Variants in TULP4 observed in about 807,000 individuals in gnomAD.
TULP4 encodes TUB like protein 4.
In TULP4, 16 loss-of-function variants were observed where a neutral mutation model predicts 129.0. That is an observed-to-expected ratio of 0.12 (90% CI 0.08 to 0.19). The LOEUF (loss-of-function observed/expected upper bound fraction) is 0.19, where lower values mean the gene tolerates loss of function less well. TULP4 is among the 10% of genes least tolerant of loss of function. TULP4 has a pLI of 1.00. For synonymous variants in TULP4, 998 were observed against 854.0 expected, an observed-to-expected ratio of 1.17 and a Z score of -2.94; for missense variants, 1,842 against 2,059.1, an observed-to-expected ratio of 0.89 and a Z score of 2.04.
chr6:158,482,533 A>T (rs1779971371), intron 8 of TULP4, among the ~76,000 whole-genome samples: 1 of 152,218 alleles, frequency 6.6e-6, no homozygotes, highest in Admixed American at 6.5e-5. Context: ...GGACAGATTC[A>T]GGAGGAAGGA....
chr6:158,487,354 C>G (rs191651408), intron 8 of TULP4, among the ~76,000 whole-genome samples: 1 of 152,154 alleles, frequency 6.6e-6, no homozygotes, highest in African/African-American at 2.4e-5. Flanking sequence ...GCAGGAGAAT[C>G]GCTTGAATCC....
chr6:158,463,649 AATATAT>A (rs60561997), intron 6 of TULP4, among the ~76,000 whole-genome samples: 5 of 137,808 alleles, frequency 3.6e-5, no homozygotes, highest in South Asian at 2.3e-4. Context: ...GTATAATAAA[AATATAT>A]ATATATATAT....
At chr6:158,498,612 A>G in intron 11 of TULP4, 57 bp from the exon 12 acceptor site, 1 of 1,606,096 alleles carries the variant, frequency 6.2e-7, no homozygotes, top group East Asian at 2.2e-5. Context: ...CTCTCTTGAC[A>G]CTTTGGCTCT....
intron 1 of TULP4, among the ~76,000 whole-genome samples, chr6:158,408,171 G>A (rs546234023): frequency 5.3e-5 from 8 of 152,294 alleles, no homozygotes; most frequent in South Asian, 2.1e-4. Context: ...CGTATGGGCC[G>A]GGACTGTGCA....
At chr6:158,400,606 G>A (rs1562550911) in intron 1 of TULP4, among the ~76,000 whole-genome samples, 1 of 152,262 alleles carries the variant, frequency 6.6e-6, no homozygotes, top group East Asian at 1.9e-4. Flanking sequence ...AATCCATTCT[G>A]GGAGTAGAAA....
chr6:158,329,246 T>C (rs752598462), intron 1 of TULP4, among the ~76,000 whole-genome samples: 1 of 152,194 alleles, frequency 6.6e-6, no homozygotes, highest in Non-Finnish European at 1.5e-5. Flanking sequence ...CTAGTTAGAT[T>C]TGGTCTACTA....
At chr6:158,310,735 G>A (rs1779332409), upstream of TULP4, among the ~76,000 whole-genome samples, 1 of 152,006 alleles carries the variant, frequency 6.6e-6, no homozygotes, top group Non-Finnish European at 1.5e-5. Flanking sequence ...CATGTCACAT[G>A]GTATTCCATG....
In TULP4 at chr6:158,413,410, T is replaced by C. The variant is rs950269876; in HGVS notation, c.381+217T>C. 6.6e-6 allele frequency among the ~76,000 whole-genome samples: 1 copy of C among 152,270 alleles called. No homozygotes were observed. The highest frequency in any genetic ancestry group is 1.5e-5 in the Non-Finnish European group (1 of 68,042). ...CATGCCCCCTTTTCAACCATGCTGC[T>C]GTTGTGAGAACTCTCCAACTTTCAA... On this transcript the variant is annotated intron_variant, in intron 2 of 13. Coordinates refer to ENST00000367097, the MANE Select transcript of TULP4 (RefSeq NM_020245.5). This position sits in a 1 kb window ranked among gnomAD's most constrained non-coding sequence, Gnocchi z 4.9.
chr6:158,338,540 G>A (rs62437383), intron 1 of TULP4, among the ~76,000 whole-genome samples: 2 of 152,196 alleles, frequency 1.3e-5, no homozygotes, highest in Admixed American at 6.5e-5. Context: ...GGTGTGAACC[G>A]TTCCAAAGCT....
intron 1 of TULP4, among the ~76,000 whole-genome samples, chr6:158,304,762 G>T (rs1278459543): frequency 6.6e-6 from 1 of 151,864 alleles, no homozygotes; most frequent in African/African-American, 2.4e-5. Flanking sequence ...GAGTTCCCGG[G>T]CTCAAGCAAT....
intron 12 of TULP4, among the ~76,000 whole-genome samples, chr6:158,501,147 T>C (rs1780435736): frequency 6.6e-6 from 1 of 152,240 alleles, no homozygotes; most frequent in Non-Finnish European, 1.5e-5. Context: ...TCATTGTTTT[T>C]TCTACCACAT....
chr6:158,276,529 T>A (rs1778649611), intron 1 of TULP4, among the ~76,000 whole-genome samples: 1 of 151,848 alleles, frequency 6.6e-6, no homozygotes, highest in Non-Finnish European at 1.5e-5. Context: ...TCCTCCTTCT[T>A]CTAAAGCAAC....
chr6:158,443,104 C>T (rs1415801305), intron 3 of TULP4, among the ~76,000 whole-genome samples: 2 of 152,164 alleles, frequency 1.3e-5, no homozygotes, highest in Non-Finnish European at 2.9e-5. Context: ...CTGCCTCAGC[C>T]TCCCAAATAG....
intron 1 of TULP4, among the ~76,000 whole-genome samples, chr6:158,303,269 G>A (rs116937757): frequency 2.0e-5 from 3 of 151,882 alleles, no homozygotes; most frequent in African/African-American, 7.3e-5. Context: ...TCTATTTTCC[G>A]TAAGTGTTGG....
At chr6:158,285,792 A>G (rs183244039) in intron 1 of TULP4, among the ~76,000 whole-genome samples, 2 of 152,248 alleles carry the variant, frequency 1.3e-5, no homozygotes, top group East Asian at 3.9e-4. Context: ...TTCCCTGTCC[A>G]TCTGTTGGCC....
rs150315285 is a variant in TULP4 at position 158,483,965 on chromosome 6, C to A, written c.1486+2676C>A. ...ACAGGGTCTCACGGTGTCTCCCAGG[C>A]TGGAGTGCAGTAGTACAATCATGGC... On this transcript the variant is annotated intron_variant, in intron 8 of 13. Coordinates refer to ENST00000367097, the MANE Select transcript of TULP4 (RefSeq NM_020245.5). Among the ~76,000 whole-genome samples the A allele has an allele frequency of 3.8e-3, 576 of 151,504 alleles. 6 individuals carry two copies. Among genetic ancestry groups the A allele is most frequent in the African/African-American group, 0.013 (548 of 41,234 alleles).
intron 1 of TULP4, among the ~76,000 whole-genome samples, chr6:158,348,133 G>T (rs1215451359): frequency 3.0e-5 from 4 of 134,140 alleles, no homozygotes; most frequent in Non-Finnish European, 6.3e-5. Context: ...CACTGGCCCT[G>T]TGCATTATTT....
upstream of TULP4, among the ~76,000 whole-genome samples, chr6:158,309,675 G>A (rs1449115164): frequency 6.6e-6 from 1 of 152,120 alleles, no homozygotes; most frequent in Admixed American, 6.5e-5. Flanking sequence ...GATCACTCGC[G>A]GTTAGGAGCT....
At chr6:158,404,266 G>A (rs1466340274) in intron 1 of TULP4, among the ~76,000 whole-genome samples, 1 of 152,190 alleles carries the variant, frequency 6.6e-6, no homozygotes, top group Non-Finnish European at 1.5e-5. Flanking sequence ...GACTTCTGCA[G>A]AAAGATGGTA....
Sources: gnomAD v4.1 joint callset for allele counts (sites outside exome capture counted in the v4.1 genomes callset) on GRCh38, gnomAD v4.1.1 for gene constraint, Gnocchi (gnomAD v3.1) non-coding constraint, MANE v1.5 for transcripts, NCBI Gene and HGNC (gene_info 2026-07-23, HGNC 2026-07-21) for gene names.